CDH13: variants seen among roughly 807,000 people sequenced by gnomAD.
CDH13 encodes the protein cadherin-13.
CDH13 carries 24 observed loss-of-function variants against 63.8 expected under a neutral mutation model. The ratio of observed to expected loss-of-function variants is 0.38; its 90% confidence interval spans 0.27 to 0.53. The LOEUF (loss-of-function observed/expected upper bound fraction) is 0.53. CDH13 is among the 20% of genes least tolerant of loss of function. The probability of loss-of-function intolerance (pLI) is 0.85; values close to 1 mark genes in which losing one functional copy is unlikely to be tolerated. For synonymous variants in CDH13, 503 were observed against 355.3 expected (o/e 1.42, Z -4.67); for missense variants, 1,049 against 903.1 (o/e 1.16, Z -2.07).
chr16:83,364,113 A>G (rs958389661), intron 6 of CDH13, among the ~76,000 whole-genome samples: 3 of 152,198 alleles, frequency 2.0e-5, no homozygotes, highest in African/African-American at 7.2e-5. Flanking sequence ...CAACGCAAGA[A>G]TTTTGGAGGG....
rs890055445 is a variant in CDH13, at chr16:83,797,821, C to G, written c.*2791C>G. The G allele has an allele frequency of 6.6e-6, 1 of 152,212 alleles. No individual in the cohort carries two copies. The highest frequency in any genetic ancestry group is 2.1e-4 in the South Asian group (1 of 4,830). The allele number at this position is 152,212 out of a possible 1,614,324, so 9.4% of individuals were successfully genotyped here. On this transcript the variant is annotated 3_prime_UTR_variant, in exon 14 of 14. Transcript: ENST00000567109. ...CTTCTTTTTATTAATACTCAACCAA[C>G]TTAGTTGATTAAAAATCACATTTTC...
intron 1 of CDH13, among the ~76,000 whole-genome samples, chr16:82,722,345 G>T (rs971318564): frequency 6.6e-6 from 1 of 152,052 alleles, no homozygotes; most frequent in African/African-American, 2.4e-5. Flanking sequence ...TCTCAGGCAG[G>T]GTCTTCCCAT....
chr16:83,382,959 G>C (rs908493978), intron 6 of CDH13: 3 of 152,228 alleles, frequency 2.0e-5, no homozygotes, highest in Non-Finnish European at 1.5e-5. Context: ...CAGTGTGCAA[G>C]ACAGACCCCA....
At chr16:83,556,615 A>C (rs1206318529) in intron 7 of CDH13, among the ~76,000 whole-genome samples, 1 of 152,204 alleles carries the variant, frequency 6.6e-6, no homozygotes, top group African/African-American at 2.4e-5. Flanking sequence ...TAAGTTCATC[A>C]CCACATTCTT....
chr16:82,929,651 C>CAAAA (rs71146097), intron 2 of CDH13, among the ~76,000 whole-genome samples: 1,953 of 44,220 alleles, frequency 0.044, 355 homozygotes, highest in East Asian at 0.062. Context: ...GACTCCATCT[C>CAAAA]AAAAAAAAAA....
At chr16:83,073,920 A>C (rs2032635301) in intron 3 of CDH13, among the ~76,000 whole-genome samples, 1 of 152,122 alleles carries the variant, frequency 6.6e-6, no homozygotes, top group African/African-American at 2.4e-5. Context: ...ACATGTACAG[A>C]ATGTGTAATG....
chr16:83,156,294 T>G (rs1267724181), intron 4 of CDH13, among the ~76,000 whole-genome samples: 4 of 152,212 alleles, frequency 2.6e-5, no homozygotes, highest in Non-Finnish European at 4.4e-5. Context: ...TTTAAAAGCA[T>G]GCGTATTAAT....
intron 6 of CDH13, among the ~76,000 whole-genome samples, chr16:83,448,111 A>T (rs966889218): frequency 2.6e-5 from 4 of 152,132 alleles, no homozygotes; most frequent in African/African-American, 9.7e-5. Context: ...TATTATAGAG[A>T]TATAACTTTT....
intron 2 of CDH13, among the ~76,000 whole-genome samples, chr16:82,890,926 A>G (rs565641911): frequency 1.3e-4 from 20 of 152,088 alleles, no homozygotes; most frequent in Non-Finnish European, 2.5e-4. Context: ...TGCTGGGATT[A>G]CAGGCGTGAG....
intron 3 of CDH13, among the ~76,000 whole-genome samples, chr16:83,044,747 G>A (rs1320275733): frequency 2.0e-5 from 3 of 152,298 alleles, no homozygotes; most frequent in African/African-American, 4.8e-5. Context: ...GTCTTAGGTC[G>A]CGGTCGTGGA....
chr16:83,394,881 C>T (rs1011309074), intron 6 of CDH13, among the ~76,000 whole-genome samples: 11 of 152,172 alleles, frequency 7.2e-5, no homozygotes, highest in African/African-American at 2.4e-4. Context: ...GGCACAGTGG[C>T]TCATGCCTGT....
rs911657323 is a variant in CDH13, at chr16:83,430,693, A to G, written c.782-55784A>G. 5.3e-5 allele frequency among the ~76,000 whole-genome samples: 8 copies of G among 152,208 alleles called. No individual in the cohort carries two copies. The East Asian group carries it at 1.2e-3, about 22-fold the overall frequency. ...GAAATTGTAAGAAAGTTCTTTCTCA[A>G]CAAGGATCTGAAATTATTCCTATAG... On this transcript the variant is annotated intron_variant, in intron 6 of 13. Coordinates refer to ENST00000567109, the MANE Select transcript of CDH13 (RefSeq NM_001257.5).
intron 1 of CDH13, among the ~76,000 whole-genome samples, chr16:82,842,832 A>G (rs965009919): frequency 2.0e-5 from 3 of 152,190 alleles, no homozygotes; most frequent in Non-Finnish European, 4.4e-5. Flanking sequence ...GGAGACAGTG[A>G]CAGATCATCA....
At chr16:83,195,635 A>G (rs543500289) in intron 4 of CDH13, among the ~76,000 whole-genome samples, 1 of 152,274 alleles carries the variant, frequency 6.6e-6, no homozygotes, top group South Asian at 2.1e-4. Context: ...CCTCCCACCA[A>G]GCCCCCTCCT....
chr16:83,046,081 C>G lies in CDH13; in HGVS notation c.366+13863C>G, dbSNP rs188339188. Among the ~76,000 whole-genome samples, 5 of 152,154 alleles carry G rather than the reference C, an allele frequency of 3.3e-5. No individual in the cohort carries two copies. In the East Asian group the frequency reaches 7.7e-4, roughly 23 times the overall value. ...AGCCCAATTGCTTGTTTAAGCAAAG[C>G]CAAGTCTAGTCTCAAGGCCTAATCT... On this transcript the variant is annotated intron_variant, in intron 3 of 13. Transcript: ENST00000567109.
At chr16:83,775,919 A>G (rs543174754) in intron 11 of CDH13, among the ~76,000 whole-genome samples, 324 of 152,140 alleles carry the variant, frequency 2.1e-3, no homozygotes, top group Middle Eastern at 6.8e-3. Context: ...AAGCCCCTAT[A>G]TTTCCTGGGC....
chr16:82,865,474 C>T (rs1391861126), intron 2 of CDH13, among the ~76,000 whole-genome samples: 1 of 152,254 alleles, frequency 6.6e-6, no homozygotes, highest in Non-Finnish European at 1.5e-5. Context: ...CCCAACACCA[C>T]GTGTAATATG....
chr16:83,511,738 G>A (rs575819947), intron 7 of CDH13, among the ~76,000 whole-genome samples: 3 of 152,208 alleles, frequency 2.0e-5, no homozygotes, highest in Non-Finnish European at 2.9e-5. Context: ...GAATGAAATC[G>A]CAAAATAAAA....
At chr16:83,004,708 G>A (rs1913297632) in intron 2 of CDH13, among the ~76,000 whole-genome samples, 1 of 152,052 alleles carries the variant, frequency 6.6e-6, no homozygotes, top group Non-Finnish European at 1.5e-5. Flanking sequence ...AGTCAGGCTG[G>A]CCTCAAACTC....
Sources: allele counts gnomAD v4.1 joint callset (sites outside exome capture counted in the v4.1 genomes callset), GRCh38; gene constraint gnomAD v4.1.1; transcripts MANE v1.5; gene names NCBI Gene and HGNC (gene_info 2026-07-23, HGNC 2026-07-21).